DIP2C: variants seen among roughly 807,000 people sequenced by gnomAD.
DIP2C encodes the protein disco-interacting protein 2 homolog C.
A neutral mutation model predicts 192.4 loss-of-function variants in DIP2C; 33 were observed. That is an observed-to-expected ratio of 0.17 (90% CI 0.13 to 0.23). The LOEUF is 0.23. Among genes scored for constraint, DIP2C ranks in the 10% least tolerant of loss-of-function variants. The pLI is 1.00. For missense variants in DIP2C, 1,537 were observed against 2,110.1 expected, an observed-to-expected ratio of 0.73 and a Z score of 5.32; for synonymous variants, 979 against 864.1, an observed-to-expected ratio of 1.13 and a Z score of -2.33.
chr10:617,831 C>T (rs906276757), intron 1 of DIP2C, among the ~76,000 whole-genome samples: 1 of 152,168 alleles, frequency 6.6e-6, no homozygotes. Flanking sequence ...GCCCCCCCAG[C>T]CCCAGGTGTC....
At chr10:293,256 C>A (rs1287108993) in intron 32 of DIP2C, among the ~76,000 whole-genome samples, 1 of 152,204 alleles carries the variant, frequency 6.6e-6, no homozygotes, top group African/African-American at 2.4e-5. Flanking sequence ...GCGTGACAGA[C>A]CAGATGCAGA....
At chr10:621,473 G>C (rs919805344) in intron 1 of DIP2C, among the ~76,000 whole-genome samples, 2 of 149,252 alleles carry the variant, frequency 1.3e-5, no homozygotes, top group Non-Finnish European at 1.5e-5. Flanking sequence ...ATGCGCTCAC[G>C]AGTCTATGCC....
intron 3 of DIP2C, among the ~76,000 whole-genome samples, chr10:460,162 G>C (rs548838724): frequency 1.3e-5 from 2 of 152,314 alleles, no homozygotes; most frequent in East Asian, 3.9e-4. Context: ...TGAGCTCTAG[G>C]ATCTTCCTCT....
At chr10:454,349 GTACTAAAAAGGGATAAAATACTAAAAA>G (rs1056369136) in intron 3 of DIP2C, among the ~76,000 whole-genome samples, 5 of 152,132 alleles carry the variant, frequency 3.3e-5, no homozygotes, top group Admixed American at 6.5e-5. Context: ...GTTTCTTAAA[GTACTAAAAAGGGATAAAATACTAAAAA>G]TACTAAAAAG....
At chr10:417,334 G>A (rs1965709373) in intron 6 of DIP2C, among the ~76,000 whole-genome samples, 2 of 152,264 alleles carry the variant, frequency 1.3e-5, no homozygotes, top group South Asian at 4.2e-4. Context: ...AACACACCAC[G>A]CAGGATTTAC....
At chr10:581,817 C>G (rs1001946133) in intron 1 of DIP2C, among the ~76,000 whole-genome samples, 10 of 152,144 alleles carry the variant, frequency 6.6e-5, no homozygotes, top group African/African-American at 2.4e-4. Flanking sequence ...AAATCTAATC[C>G]TCTCCAACTG....
chr10:446,102 A>G (rs1443830911), intron 3 of DIP2C, among the ~76,000 whole-genome samples: 1 of 143,474 alleles, frequency 7.0e-6, no homozygotes, highest in African/African-American at 2.9e-5. Context: ...AAAGAGTCTC[A>G]TGGTCCACTG....
At chr10:351,982 G>A (rs967918445) in intron 24 of DIP2C, among the ~76,000 whole-genome samples, 6 of 152,202 alleles carry the variant, frequency 3.9e-5, no homozygotes, top group Admixed American at 3.3e-4. Context: ...GAGCATGGAC[G>A]CGTCTCAGAG....
At chr10:337,309 G>A (rs1231765328) in intron 29 of DIP2C, among the ~76,000 whole-genome samples, 1 of 148,348 alleles carries the variant, frequency 6.7e-6, no homozygotes, top group African/African-American at 2.5e-5. Flanking sequence ...AGCTGTGTGT[G>A]TGTGTGCACG....
At chr10:574,927 G>A (rs1276564693) in intron 1 of DIP2C, among the ~76,000 whole-genome samples, 1 of 152,152 alleles carries the variant, frequency 6.6e-6, no homozygotes, top group Non-Finnish European at 1.5e-5. Context: ...GAGCTATGAA[G>A]TTTATGTAAT....
At chr10:278,236 T>C (rs760201810) in intron 36 of DIP2C, among the ~76,000 whole-genome samples, 4 of 152,192 alleles carry the variant, frequency 2.6e-5, no homozygotes, top group Non-Finnish European at 5.9e-5. Context: ...AGTCCAGCTC[T>C]GCTGCTGAGG....
At chr10:532,942 C>T (rs1250199235) in intron 1 of DIP2C, among the ~76,000 whole-genome samples, 2 of 152,144 alleles carry the variant, frequency 1.3e-5, no homozygotes. Context: ...ACGTGCACAC[C>T]ACCACTCCTA....
rs914160308 is a variant in DIP2C at position 689,632 on chromosome 10, C to G, written c.-54G>C. 1.9e-6 allele frequency: 2 copies of G among 1,057,356 alleles called. No individual in the cohort carries two copies. Among genetic ancestry groups the G allele is most frequent in the African/African-American group, 3.4e-5 (2 of 58,244 alleles). 65.5% of individuals were successfully genotyped at this position (1,057,356 alleles called of 1,614,324 possible). On this transcript the variant is annotated 5_prime_UTR_variant, in exon 1 of 37. Transcript: ENST00000280886. The surrounding 1 kb of genome is among the most constrained non-coding windows in gnomAD (Gnocchi z 6.1). The stretch of plus-strand genomic sequence containing the variant: ...CTCCTCTTTGTTCGCAGGCGGAGGT[C>G]TCGGCGGCTCCTCGCGCCCGGCGGA...
chr10:614,413 C>T (rs1853305434), intron 1 of DIP2C, among the ~76,000 whole-genome samples: 1 of 152,250 alleles, frequency 6.6e-6, no homozygotes, highest in South Asian at 2.1e-4. Flanking sequence ...ACAGTGCCGG[C>T]TCTGTGGTGG....
Position 416,951 on chromosome 10 carries a change from T to C in DIP2C, c.740-1063A>G, listed in dbSNP as rs191496984. On this transcript the variant is annotated intron_variant, in intron 6 of 36. Coordinates refer to ENST00000280886, the MANE Select transcript of DIP2C (RefSeq NM_014974.3). Reference sequence around the variant, plus strand: ...AACAGACTTCAACATTTGCGGGGAATAGAACAGAATTCAAGGAAATTTTTT... The same window carrying C: ...AACAGACTTCAACATTTGCGGGGAACAGAACAGAATTCAAGGAAATTTTTT... Among the ~76,000 whole-genome samples the C allele has an allele frequency of 3.3e-5, 5 of 152,318 alleles. No homozygotes were observed. The East Asian group carries it at 9.6e-4, about 29-fold the overall frequency.
chr10:621,511 C>A lies in DIP2C; in HGVS notation c.85+67983G>T, dbSNP rs186510043. Among the ~76,000 whole-genome samples, 213 of 152,314 alleles carry A rather than the reference C, an allele frequency of 1.4e-3. 1 individual carries two copies. Among genetic ancestry groups the A allele is most frequent in the African/African-American group, 4.7e-3 (195 of 41,574 alleles). ...TATGAGCACACACCCCCCAGGGGTG[C>A]ACACACACTCTGCACATACATCTGT... On this transcript the variant is annotated intron_variant, in intron 1 of 36. Coordinates refer to ENST00000280886, the MANE Select transcript of DIP2C (RefSeq NM_014974.3).
chr10:364,879 T>C, intron 19 of DIP2C: 2 of 621,170 alleles, frequency 3.2e-6, no homozygotes, highest in Non-Finnish European at 6.1e-6. Flanking sequence ...AGGAGGCCAA[T>C]CAGCAGTAAC....
At chr10:531,302 T>TG (rs1365057018) in intron 1 of DIP2C, among the ~76,000 whole-genome samples, 2 of 151,886 alleles carry the variant, frequency 1.3e-5, no homozygotes, top group Non-Finnish European at 2.9e-5. Flanking sequence ...TCCACGAACC[T>TG]GATGAACACA....
chr10:282,700 A>T (rs1237403043), intron 35 of DIP2C, among the ~76,000 whole-genome samples: 3 of 152,248 alleles, frequency 2.0e-5, no homozygotes. Context: ...GATGGGGCAA[A>T]GGCAATGCTG....
Sources: allele counts gnomAD v4.1 joint callset (sites outside exome capture counted in the v4.1 genomes callset), GRCh38; gene constraint gnomAD v4.1.1; non-coding constraint Gnocchi (gnomAD v3.1); transcripts MANE v1.5; gene names NCBI Gene and HGNC (gene_info 2026-07-23, HGNC 2026-07-21).